The following QTRT2 variants were observed in gnomAD, a reference collection of about 807,000 sequenced individuals.
The protein encoded by QTRT2 is queuine tRNA-ribosyltransferase accessory subunit 2, also known as queuine tRNA-ribosyltransferase domain containing 1.
QTRT2 carries 32 observed loss-of-function variants against 44.8 expected under a neutral mutation model. That is an observed-to-expected ratio of 0.71 (90% CI 0.54 to 0.96). The LOEUF (loss-of-function observed/expected upper bound fraction) is 0.96. Among genes scored for constraint, QTRT2 ranks in the 40% least tolerant of loss-of-function variants. The probability of loss-of-function intolerance (pLI) is 0.00; values close to 1 mark genes in which losing one functional copy is unlikely to be tolerated. For missense variants in QTRT2, 461 were observed against 503.1 expected (o/e 0.92, Z 0.80); for synonymous variants, 182 against 187.4 (o/e 0.97, Z 0.24).
chr3:114,082,885 T>C, intron 9 of QTRT2, 91 bp downstream of exon 9: 2 of 664,712 alleles, frequency 3.0e-6, no homozygotes, highest in Non-Finnish European at 5.4e-6. Flanking sequence ...CAATTTATGA[T>C]TTCATAAAAT....
chr3:114,057,960 A>T (rs1385706476), intron 2 of QTRT2, among the ~76,000 whole-genome samples: 2 of 152,242 alleles, frequency 1.3e-5, no homozygotes, highest in East Asian at 1.9e-4. Flanking sequence ...GGAACTTCTA[A>T]TAAGCTCCCA....
At chr3:114,060,507 GA>G (rs2076868602) in intron 2 of QTRT2, among the ~76,000 whole-genome samples, 2 of 79,524 alleles carry the variant, frequency 2.5e-5, no homozygotes, top group Admixed American at 2.8e-4. Context: ...TAGATAGATA[GA>G]TAGATAGATA....
intron 6 of QTRT2, among the ~76,000 whole-genome samples, chr3:114,075,850 T>C (rs556600399): frequency 1.6e-4 from 24 of 152,330 alleles, no homozygotes; most frequent in Admixed American, 3.3e-4. Flanking sequence ...AGCTTTAGCT[T>C]GTTTAGGAAG....
intron 9 of QTRT2, among the ~76,000 whole-genome samples, chr3:114,085,032 A>G (rs570727393): frequency 1.3e-5 from 2 of 152,292 alleles, no homozygotes; most frequent in South Asian, 4.1e-4. Flanking sequence ...CTAAGTGTCC[A>G]ACACTTAGAA....
At chr3:114,064,134 G>C (rs558036009) in intron 2 of QTRT2, among the ~76,000 whole-genome samples, 7 of 152,146 alleles carry the variant, frequency 4.6e-5, no homozygotes, top group African/African-American at 1.7e-4. Context: ...AGAATCTCTT[G>C]AACCCGAGAA....
chr3:114,078,606 A>G (rs1449332947), intron 7 of QTRT2: 1 of 152,198 alleles, frequency 6.6e-6, no homozygotes, highest in East Asian at 1.9e-4. Flanking sequence ...TAGTCTCAGA[A>G]TGCCTTACCT....
intron 2 of QTRT2, among the ~76,000 whole-genome samples, chr3:114,058,449 A>G (rs2076837648): frequency 1.3e-5 from 2 of 152,214 alleles, no homozygotes; most frequent in African/African-American, 2.4e-5. Context: ...CGTCGTCGTT[A>G]TCTCTTTCCC....
At chr3:114,064,785 A>G (rs1451251867) in intron 2 of QTRT2, among the ~76,000 whole-genome samples, 1 of 152,178 alleles carries the variant, frequency 6.6e-6, no homozygotes, top group Admixed American at 6.5e-5. Context: ...CATTATTAGG[A>G]AAAAATTGCT....
chr3:114,062,991 G>T (rs972121384), intron 2 of QTRT2, among the ~76,000 whole-genome samples: 4 of 152,196 alleles, frequency 2.6e-5, no homozygotes, highest in African/African-American at 9.6e-5. Flanking sequence ...CTTGTCTCTA[G>T]CCCTTTCTGA....
At chr3:114,064,156 A>G (rs1315109357) in intron 2 of QTRT2, among the ~76,000 whole-genome samples, 5 of 152,152 alleles carry the variant, frequency 3.3e-5, no homozygotes, top group Non-Finnish European at 7.4e-5. Context: ...CAGAGGTTAC[A>G]GTGAGCTGAG....
At chr3:114,082,639 G>C (rs1553760553) in intron 8 of QTRT2, 38 bp from the exon 9 acceptor site, 1 of 801,316 alleles carries the variant, frequency 1.2e-6, no homozygotes, top group South Asian at 1.7e-5. Context: ...CTTCTTATCT[G>C]ATCATCATTC....
At chr3:114,058,322 T>A (rs1005412623) in intron 2 of QTRT2, among the ~76,000 whole-genome samples, 4 of 152,192 alleles carry the variant, frequency 2.6e-5, no homozygotes, top group Non-Finnish European at 5.9e-5. Context: ...TTAGGTTAAT[T>A]CATTTTTCTT....
At chr3:114,085,208 CT>C (rs998372775) in intron 9 of QTRT2, among the ~76,000 whole-genome samples, 4 of 150,310 alleles carry the variant, frequency 2.7e-5, no homozygotes, top group African/African-American at 7.3e-5. Context: ...TCTTTGTTAA[CT>C]TTTTTTTTTC....
intron 5 of QTRT2, among the ~76,000 whole-genome samples, chr3:114,069,730 G>C (rs763399833): frequency 1.3e-5 from 2 of 152,168 alleles, no homozygotes; most frequent in Non-Finnish European, 2.9e-5. Context: ...CCTTATGGCG[G>C]AATGATTTAT....
At chr3:114,073,159 G>A (rs1354256739) in intron 6 of QTRT2, among the ~76,000 whole-genome samples, 3 of 152,210 alleles carry the variant, frequency 2.0e-5, no homozygotes, top group African/African-American at 7.2e-5. Context: ...ATTGCTGTGT[G>A]TCTGGGCAGT....
rs2077228907 is a variant in QTRT2, at chr3:114,085,784, A to T, written c.1128A>T (p.Gly376=). 6.2e-7 allele frequency: 1 copy of T among 1,614,060 alleles called. No homozygotes were observed. Among genetic ancestry groups the T allele is most frequent in the African/African-American group, 1.3e-5 (1 of 74,920 alleles). Residue 376 remains glycine, a synonymous_variant, in exon 10 of 10, where the codon GGA becomes GGT. Transcript: ENST00000281273. ...TGGTGACCAATGAGCTGCTGGCCGG[A>T]GTCCTGCTTATGATGCACAACTTTG... is the stretch of plus-strand genomic sequence containing the variant. ...HLLVTNELLA[G]VLLMMHNFEH...
At chr3:114,085,434 C>T (rs1174568215) in intron 9 of QTRT2, among the ~76,000 whole-genome samples, 1 of 152,174 alleles carries the variant, frequency 6.6e-6, no homozygotes, top group Non-Finnish European at 1.5e-5. Context: ...TCTTGAACTC[C>T]TGACCTCGTG....
rs1314028860 is a variant in QTRT2 at position 114,065,281 on chromosome 3, A to G, written c.24A>G (p.Val8=). The change falls in exon 3 of 10, where the codon GTA becomes GTG. Residue 8 remains valine (V), a synonymous_variant. Transcript: ENST00000281273. ...GGATGAAGCTGAGTCTTACCAAGGT[A>G]GTTAATGGCTGTCGCCTAGGAAAAA... The part of the protein sequence containing the change: MKLSLTK[V]VNGCRLGKIK... 1.2e-6 allele frequency: 2 copies of G among 1,614,062 alleles called. No individual in the cohort carries two copies. The highest frequency in any genetic ancestry group is 1.7e-6 in the Non-Finnish European group (2 of 1,179,992).
rs751443636 is a variant in QTRT2, at chr3:114,085,694, G to T, written c.1038G>T (p.Pro346=). 5.6e-6 allele frequency: 9 copies of T among 1,613,946 alleles called. No individual in the cohort carries two copies. Among genetic ancestry groups the T allele is most frequent in the South Asian group, 3.3e-5 (3 of 91,086 alleles). Residue 346 remains proline, a synonymous_variant, in exon 10 of 10, where the codon CCG becomes CCT. Coordinates refer to ENST00000281273, the MANE Select transcript of QTRT2 (RefSeq NM_024638.4). ...TTAGGTACCAGGAGGACTTTAACCC[G>T]CTGGTGAGAGGATGTTCCTGTTACT... ...KEKKYQEDFN[P]LVRGCSCYCC...
Sources: allele counts gnomAD v4.1 joint callset (sites outside exome capture counted in the v4.1 genomes callset), GRCh38; gene constraint gnomAD v4.1.1; transcripts MANE v1.5; gene names NCBI Gene and HGNC (gene_info 2026-07-23, HGNC 2026-07-21).